Variants in USP32 observed in about 807,000 individuals in gnomAD.
USP32 encodes the protein ubiquitin specific peptidase 32.
USP32 carries 59 observed loss-of-function variants against 204.8 expected under a neutral mutation model. That is an observed-to-expected ratio of 0.29 (90% CI 0.23 to 0.36). USP32 has a LOEUF of 0.36. USP32 is among the 10% of genes least tolerant of loss of function. USP32 has a pLI of 1.00. For missense variants in USP32, 1,160 were observed against 1,946.4 expected (o/e 0.60, Z 7.60); for synonymous variants, 517 against 678.4 (o/e 0.76, Z 3.70).
chr17:60,415,090 G>A (rs557799458), intron 1 of USP32, among the ~76,000 whole-genome samples: 1 of 152,232 alleles, frequency 6.6e-6, no homozygotes, highest in Non-Finnish European at 1.5e-5. Flanking sequence ...TTCATGCTTG[G>A]GGAGGGTGGT....
chr17:60,370,834 T>C (rs1338775686), intron 1 of USP32, among the ~76,000 whole-genome samples: 3 of 149,958 alleles, frequency 2.0e-5, no homozygotes, highest in Non-Finnish European at 4.4e-5. Context: ...GGTGGCTCAA[T>C]GCTTGTAATC....
intron 2 of USP32, among the ~76,000 whole-genome samples, chr17:60,342,005 GC>G (rs2088671479): frequency 6.6e-6 from 1 of 152,140 alleles, no homozygotes; most frequent in African/African-American, 2.4e-5. Flanking sequence ...AGAATTTTCA[GC>G]TTTTCTGCTC....
intron 1 of USP32, among the ~76,000 whole-genome samples, chr17:60,389,150 C>T (rs1279791660): frequency 6.6e-6 from 1 of 152,140 alleles, no homozygotes; most frequent in East Asian, 1.9e-4. Context: ...TCATTTTATA[C>T]AATATAAACA....
At chr17:60,210,739 G>T (rs1305012220) in intron 21 of USP32, among the ~76,000 whole-genome samples, 1 of 152,230 alleles carries the variant, frequency 6.6e-6, no homozygotes, top group Non-Finnish European at 1.5e-5. Context: ...ACCAAAAAAG[G>T]TTTACTCTTC....
intron 1 of USP32, among the ~76,000 whole-genome samples, chr17:60,387,686 C>A (rs569564178): frequency 6.6e-6 from 1 of 152,204 alleles, no homozygotes; most frequent in South Asian, 2.1e-4. Context: ...GAGATTACCT[C>A]CCAATAAACC....
chr17:60,234,367 C>A (rs1158332008), intron 12 of USP32, among the ~76,000 whole-genome samples: 1 of 150,940 alleles, frequency 6.6e-6, no homozygotes, highest in Non-Finnish European at 1.5e-5. Context: ...CCCGCCTTGG[C>A]CTCCCAAAGT....
chr17:60,229,389 A>G (rs1486616560), intron 12 of USP32, among the ~76,000 whole-genome samples: 1 of 152,190 alleles, frequency 6.6e-6, no homozygotes, highest in African/African-American at 2.4e-5. Context: ...CTACATATGC[A>G]GCCAGAATTA....
intron 9 of USP32, among the ~76,000 whole-genome samples, chr17:60,260,217 G>C (rs1442143441): frequency 6.6e-6 from 1 of 151,994 alleles, no homozygotes; most frequent in Non-Finnish European, 1.5e-5. Flanking sequence ...ATAGCAATAT[G>C]GTTTTAAAAG....
At chr17:60,228,553 A>AT (rs2085459678) in intron 12 of USP32, among the ~76,000 whole-genome samples, 1 of 132,782 alleles carries the variant, frequency 7.5e-6, no homozygotes, top group South Asian at 2.3e-4. Flanking sequence ...ATGGTGGCTC[A>AT]TGTCTGTAAT....
intron 2 of USP32, among the ~76,000 whole-genome samples, chr17:60,333,473 T>A (rs1220982067): frequency 6.6e-6 from 1 of 151,934 alleles, no homozygotes; most frequent in African/African-American, 2.4e-5. Context: ...GGTGGCATGC[T>A]CCTGTAGTCC....
intron 29 of USP32, among the ~76,000 whole-genome samples, chr17:60,186,791 G>T (rs2084263445): frequency 6.6e-6 from 1 of 152,174 alleles, no homozygotes; most frequent in Admixed American, 6.5e-5. Context: ...GAAGGATCTA[G>T]AGTGCAACAG....
intron 1 of USP32, among the ~76,000 whole-genome samples, chr17:60,353,235 A>G (rs1175602051): frequency 6.6e-6 from 1 of 152,208 alleles, no homozygotes; most frequent in Non-Finnish European, 1.5e-5. Flanking sequence ...AAGAGCATGT[A>G]TGGATGCAAC....
At chr17:60,249,713 C>G (rs1251946267) in intron 11 of USP32, 1 of 700,084 alleles carries the variant, frequency 1.4e-6, no homozygotes, top group Admixed American at 2.0e-5. Flanking sequence ...TGAATAAATG[C>G]TTCTCAATTT....
chr17:60,285,385 T>C (rs1274551257), intron 5 of USP32, among the ~76,000 whole-genome samples: 1 of 152,218 alleles, frequency 6.6e-6, no homozygotes, highest in East Asian at 1.9e-4. Flanking sequence ...TCAGAACTTT[T>C]AATAATAACA....
chr17:60,327,944 G>A (rs980033838), intron 2 of USP32, among the ~76,000 whole-genome samples: 2 of 152,252 alleles, frequency 1.3e-5, no homozygotes, highest in African/African-American at 4.8e-5. Flanking sequence ...GCAAGATGGG[G>A]GAATCAAGGG....
chr17:60,300,061 A>T (rs1209385209), intron 3 of USP32, among the ~76,000 whole-genome samples: 1 of 152,216 alleles, frequency 6.6e-6, no homozygotes, highest in Non-Finnish European at 1.5e-5. Flanking sequence ...ATGAATTTTG[A>T]GGGAGACACA....
At chr17:60,391,790 C>T (rs2089839319) in intron 1 of USP32, 92 bp downstream of exon 1, 3 of 1,431,852 alleles carry the variant, frequency 2.1e-6, no homozygotes, top group East Asian at 2.5e-5. Flanking sequence ...CGCCCCACGC[C>T]CTCAATCTCC....
intron 15 of USP32, among the ~76,000 whole-genome samples, chr17:60,221,339 A>C (rs1455050901): frequency 6.6e-6 from 1 of 152,166 alleles, no homozygotes; most frequent in Non-Finnish European, 1.5e-5. Flanking sequence ...GTTATTTTTC[A>C]TAAACGTAAT....
intron 30 of USP32, among the ~76,000 whole-genome samples, chr17:60,184,002 G>C (rs1021002591): frequency 6.6e-6 from 1 of 151,920 alleles, no homozygotes; most frequent in Non-Finnish European, 1.5e-5. Context: ...AGGTCTACCC[G>C]TCAGCCGGGC....
Sources: allele counts gnomAD v4.1 joint callset (sites outside exome capture counted in the v4.1 genomes callset), GRCh38; gene constraint gnomAD v4.1.1; transcripts MANE v1.5; gene names NCBI Gene and HGNC (gene_info 2026-07-23, HGNC 2026-07-21).